The following KIAA1217 variants were observed in gnomAD, a reference collection of about 807,000 sequenced individuals.
The protein encoded by KIAA1217 is KIAA1217.
A neutral mutation model predicts 163.9 loss-of-function variants in KIAA1217; 88 were observed. The observed-to-expected ratio is 0.54, with a 90% CI of 0.45 to 0.64. The LOEUF (loss-of-function observed/expected upper bound fraction) is 0.64, where lower values mean the gene tolerates loss of function less well. Ranked by LOEUF, KIAA1217 falls within the 30% of genes least tolerant of loss-of-function variation. KIAA1217 has a pLI of 0.00. For synonymous variants in KIAA1217, 903 were observed against 923.1 expected, an observed-to-expected ratio of 0.98 and a Z score of 0.39; for missense variants, 2,372 against 2,475.0, an observed-to-expected ratio of 0.96 and a Z score of 0.88.
At chr10:24,404,566 CAAAAAA>C (rs57209065) in intron 3 of KIAA1217, among the ~76,000 whole-genome samples, 6 of 51,182 alleles carry the variant, frequency 1.2e-4, no homozygotes, top group African/African-American at 4.1e-4. Context: ...GACTCTGTCT[CAAAAAA>C]AAAAAAAAAA....
intron 2 of KIAA1217, among the ~76,000 whole-genome samples, chr10:24,017,837 T>C (rs1177520790): frequency 6.6e-6 from 1 of 152,004 alleles, no homozygotes; most frequent in Non-Finnish European, 1.5e-5. Flanking sequence ...CTTAAAGACA[T>C]AGCAATGTGG....
At chr10:23,709,653 T>G (rs1215907284) in intron 1 of KIAA1217, among the ~76,000 whole-genome samples, 1 of 152,236 alleles carries the variant, frequency 6.6e-6, no homozygotes, top group African/African-American at 2.4e-5. Context: ...AGCTTTACTA[T>G]GAAACTATGA....
At chr10:24,103,994 A>C (rs60121528) in intron 2 of KIAA1217, among the ~76,000 whole-genome samples, 15,572 of 152,110 alleles carry the variant, frequency 0.1, 1,441 homozygotes, top group African/African-American at 0.24. Flanking sequence ...CTGTGTCCCC[A>C]CCCAAATCTC....
At chr10:24,286,587 T>A (rs1158636457) in intron 2 of KIAA1217, among the ~76,000 whole-genome samples, 1 of 152,102 alleles carries the variant, frequency 6.6e-6, no homozygotes, top group East Asian at 1.9e-4. Flanking sequence ...TATTATAGAT[T>A]TAATTTGATG....
intron 1 of KIAA1217, among the ~76,000 whole-genome samples, chr10:23,735,326 C>T (rs11013682): frequency 0.024 from 3,680 of 151,992 alleles, 163 homozygotes; most frequent in African/African-American, 0.083. Flanking sequence ...CTCCACCTCC[C>T]GAGTTCAAGC....
intron 6 of KIAA1217, among the ~76,000 whole-genome samples, chr10:24,488,592 C>A (rs1460904367): frequency 6.6e-6 from 1 of 152,190 alleles, no homozygotes; most frequent in Non-Finnish European, 1.5e-5. Context: ...AGTTACACAG[C>A]TTTTCCACCA....
intron 1 of KIAA1217, among the ~76,000 whole-genome samples, chr10:23,706,474 AT>A (rs1836894865): frequency 6.6e-6 from 1 of 152,142 alleles, no homozygotes; most frequent in Admixed American, 6.5e-5. Flanking sequence ...GAGTGTTTCT[AT>A]CATGAAATGG....
At chr10:23,841,276 C>G (rs1456896397) in intron 1 of KIAA1217, among the ~76,000 whole-genome samples, 1 of 152,060 alleles carries the variant, frequency 6.6e-6, no homozygotes, top group African/African-American at 2.4e-5. Flanking sequence ...GGAGGGAAGA[C>G]CATTCCAGAA....
At chr10:23,738,679 T>A (rs959151685) in intron 1 of KIAA1217, among the ~76,000 whole-genome samples, 2 of 152,140 alleles carry the variant, frequency 1.3e-5, no homozygotes, top group Non-Finnish European at 1.5e-5. Flanking sequence ...GGCAGATGAT[T>A]TTCCTTTAAG....
chr10:24,204,126 A>G (rs2067418403), upstream of KIAA1217, among the ~76,000 whole-genome samples: 1 of 152,224 alleles, frequency 6.6e-6, no homozygotes, highest in Admixed American at 6.5e-5. Flanking sequence ...CACATGAGGA[A>G]TTTGTGTGGA....
chr10:24,059,212 C>A (rs1418782273), intron 2 of KIAA1217, among the ~76,000 whole-genome samples: 1 of 152,048 alleles, frequency 6.6e-6, no homozygotes, highest in Admixed American at 6.6e-5. Context: ...CATCCTTGCA[C>A]CCTAGGGATA....
intron 1 of KIAA1217, among the ~76,000 whole-genome samples, chr10:23,770,507 G>A (rs1834745758): frequency 6.6e-6 from 1 of 152,200 alleles, no homozygotes. Context: ...AAAGACAAGA[G>A]CTGGTGACAC....
chr10:24,259,289 T>G (rs2075487834), intron 2 of KIAA1217, among the ~76,000 whole-genome samples: 1 of 152,148 alleles, frequency 6.6e-6, no homozygotes, highest in East Asian at 1.9e-4. Context: ...CAGAGATTAC[T>G]TGGAATTACC....
intron 1 of KIAA1217, among the ~76,000 whole-genome samples, chr10:23,932,086 T>TTCCA (rs1409548806): frequency 6.6e-6 from 1 of 152,070 alleles, no homozygotes; most frequent in Admixed American, 6.5e-5. Context: ...CTCCTCCAAC[T>TTCCA]TCCATCTCTG....
chr10:23,904,001 T>C (rs1301909789), intron 1 of KIAA1217, among the ~76,000 whole-genome samples: 2 of 152,178 alleles, frequency 1.3e-5, no homozygotes, highest in Non-Finnish European at 2.9e-5. Flanking sequence ...TGAAGTAGAA[T>C]GTTTCTGGAT....
intron 2 of KIAA1217, among the ~76,000 whole-genome samples, chr10:24,059,966 G>A (rs1309490678): frequency 6.6e-6 from 1 of 152,208 alleles, no homozygotes; most frequent in East Asian, 1.9e-4. Context: ...TTGGCATACA[G>A]TAGTCTCTTA....
intron 1 of KIAA1217, among the ~76,000 whole-genome samples, chr10:23,896,266 A>G (rs16924029): frequency 0.02 from 2,974 of 152,086 alleles, 101 homozygotes; most frequent in African/African-American, 0.065. Flanking sequence ...CATCCACAGA[A>G]TTAAATTTAT....
intron 5 of KIAA1217, among the ~76,000 whole-genome samples, chr10:24,457,311 T>G (rs2061891954): frequency 6.6e-6 from 1 of 152,040 alleles, no homozygotes; most frequent in Admixed American, 6.6e-5. Context: ...AAGCTCTTGG[T>G]GCTAATCAAG....
chr10:24,103,115 T>C (rs934347993), intron 2 of KIAA1217, among the ~76,000 whole-genome samples: 7 of 152,146 alleles, frequency 4.6e-5, no homozygotes, highest in African/African-American at 1.7e-4. Context: ...AATTACCCAG[T>C]CTTGAGTATG....
Sources: allele counts gnomAD v4.1 joint callset (sites outside exome capture counted in the v4.1 genomes callset), GRCh38; gene constraint gnomAD v4.1.1; transcripts MANE v1.5; gene names NCBI Gene and HGNC (gene_info 2026-07-23, HGNC 2026-07-21).